The following LRRC7 variants were observed in gnomAD, a reference collection of about 807,000 sequenced individuals.
LRRC7 encodes the protein leucine-rich repeat-containing protein 7.
LRRC7 carries 23 observed loss-of-function variants against 175.7 expected under a neutral mutation model. The observed-to-expected ratio is 0.13, with a 90% confidence interval of 0.09 to 0.19. The LOEUF is 0.19. Among genes scored for constraint, LRRC7 ranks in the 10% least tolerant of loss-of-function variants. The pLI is 1.00. For synonymous variants in LRRC7, 685 were observed against 680.9 expected (o/e 1.01, Z -0.09); for missense variants, 1,354 against 1,904.7 (o/e 0.71, Z 5.38).
At chr1:69,895,265 C>A (rs1021550540) in intron 7 of LRRC7, among the ~76,000 whole-genome samples, 1 of 151,966 alleles carries the variant, frequency 6.6e-6, no homozygotes, top group Non-Finnish European at 1.5e-5. Context: ...GTGGATCTCA[C>A]GTTGAGTGTT....
intron 3 of LRRC7, among the ~76,000 whole-genome samples, chr1:69,788,111 G>T (rs1490931802): frequency 6.6e-6 from 1 of 151,820 alleles, no homozygotes; most frequent in African/African-American, 2.4e-5. Context: ...TCACTCACTG[G>T]GGGTGGTCTC....
At chr1:69,803,111 G>A (rs1427761235) in intron 4 of LRRC7, among the ~76,000 whole-genome samples, 2 of 151,152 alleles carry the variant, frequency 1.3e-5, no homozygotes, top group African/African-American at 4.8e-5. Context: ...CTGCTCCATT[G>A]CCTTATTTGC....
In LRRC7 at chr1:69,819,575, C is replaced by CTGTG. The variant is rs1343426681; in HGVS notation, c.422-6172_422-6171insGTGT. ...GAATGCTCTCTCTCTCTCTCTCTCT[C>CTGTG]TCTGTGTGTGTGTGTGTGTGTGTGT... On this transcript the variant is annotated intron_variant, in intron 4 of 26. Coordinates refer to ENST00000651989, the MANE Select transcript of LRRC7 (RefSeq NM_001370785.2). Among the ~76,000 whole-genome samples the CTGTG allele has an allele frequency of 5.3e-3, 703 of 133,226 alleles. 3 individuals are homozygous for CTGTG. The highest frequency in any genetic ancestry group is 0.018 in the Middle Eastern group (5 of 276). The allele number at this position is 133,226 out of a possible 152,430, so 87.4% of individuals were successfully genotyped here.
In LRRC7 at chr1:70,128,845, G is replaced by C. The variant is rs12062363; in HGVS notation, c.*6958G>C. On this transcript the variant is annotated 3_prime_UTR_variant, in exon 27 of 27. Transcript: ENST00000651989. Reference sequence around the variant, plus strand: ...AACCATCCTATTGCAAAAGGAAATCGAGTCTTTATCTAGTCAAATCTGTTT... The same window carrying C: ...AACCATCCTATTGCAAAAGGAAATCCAGTCTTTATCTAGTCAAATCTGTTT... 1 of 152,048 alleles carries C rather than the reference G, an allele frequency of 6.6e-6. No homozygotes were observed. The highest frequency in any genetic ancestry group is 1.5e-5 in the Non-Finnish European group (1 of 68,010). The allele number at this position is 152,048 out of a possible 1,614,324, so 9.4% of individuals were successfully genotyped here.
chr1:69,873,717 A>T (rs1236264962), intron 7 of LRRC7: 1 of 217,198 alleles, frequency 4.6e-6, no homozygotes, highest in Non-Finnish European at 9.8e-6. Flanking sequence ...GGTCTTTGTT[A>T]AAGTTTAACG....
chr1:70,017,890 A>C (rs1359682477), intron 14 of LRRC7, among the ~76,000 whole-genome samples: 1 of 152,100 alleles, frequency 6.6e-6, no homozygotes, highest in Admixed American at 6.6e-5. Context: ...GTATTGCATT[A>C]TGGGAAAAAA....
intron 2 of LRRC7, among the ~76,000 whole-genome samples, chr1:69,712,141 T>C (rs1386687705): frequency 1.3e-5 from 2 of 152,124 alleles, no homozygotes; most frequent in East Asian, 1.9e-4. Context: ...AGTTATCTCA[T>C]AAAGTCGTTT....
At chr1:70,105,668 A>G (rs748475014) in intron 25 of LRRC7, among the ~76,000 whole-genome samples, 2 of 152,156 alleles carry the variant, frequency 1.3e-5, no homozygotes, top group Non-Finnish European at 2.9e-5. Context: ...TCTTTAATCA[A>G]TGCCCTGTTA....
intron 2 of LRRC7, among the ~76,000 whole-genome samples, chr1:69,720,401 C>T (rs1240148074): frequency 6.6e-6 from 1 of 151,546 alleles, no homozygotes; most frequent in East Asian, 1.9e-4. Context: ...ATTTTAACTC[C>T]ATCTTGTGCC....
chr1:69,946,023 G>A (rs763024066), intron 8 of LRRC7, among the ~76,000 whole-genome samples: 2 of 152,022 alleles, frequency 1.3e-5, no homozygotes, highest in Non-Finnish European at 2.9e-5. Flanking sequence ...GAACAAAACT[G>A]GTAACAGTGT....
chr1:69,812,223 C>T (rs1677978422), intron 4 of LRRC7, among the ~76,000 whole-genome samples: 2 of 152,060 alleles, frequency 1.3e-5, no homozygotes, highest in Admixed American at 1.3e-4. Flanking sequence ...TGCTGCATCG[C>T]CAGTCTTGTG....
chr1:69,672,451 C>A (rs950842999), intron 1 of LRRC7, among the ~76,000 whole-genome samples: 1 of 152,130 alleles, frequency 6.6e-6, no homozygotes, highest in Admixed American at 6.6e-5. Context: ...GGATTTAAAT[C>A]TTGATTTTTG....
At chr1:70,075,823 A>G (rs990563215) in intron 23 of LRRC7, among the ~76,000 whole-genome samples, 1 of 152,196 alleles carries the variant, frequency 6.6e-6, no homozygotes, top group Non-Finnish European at 1.5e-5. Context: ...TTCTTCCTTT[A>G]AAGTGAGGTT....
chr1:70,105,375 A>C (rs952381557), intron 25 of LRRC7, among the ~76,000 whole-genome samples: 4 of 152,204 alleles, frequency 2.6e-5, no homozygotes, highest in Admixed American at 6.5e-5. Flanking sequence ...AGTAGTGCAT[A>C]ATCATTGTAG....
At chr1:69,919,459 GAGCGGCCC>G in intron 7 of LRRC7, 2 of 994,580 alleles carry the variant, frequency 2.0e-6, no homozygotes, top group Non-Finnish European at 3.1e-6. Flanking sequence ...CAGCCAGTGG[GAGCGGCCC>G]AGCGGGAACA....
chr1:70,003,614 A>G (rs1429304851), intron 11 of LRRC7, among the ~76,000 whole-genome samples: 5 of 152,226 alleles, frequency 3.3e-5, no homozygotes, highest in Admixed American at 6.5e-5. Context: ...TGATGATTGT[A>G]TAAGATTTCA....
At chr1:69,578,799 G>A in intron 1 of LRRC7, among the ~76,000 whole-genome samples, 1 of 105,038 alleles carries the variant, frequency 9.5e-6, no homozygotes. Context: ...TTGTGGGGTG[G>A]GGGGAGGGGG....
chr1:69,892,570 C>G (rs1453897979), intron 7 of LRRC7, among the ~76,000 whole-genome samples: 2 of 152,166 alleles, frequency 1.3e-5, no homozygotes, highest in African/African-American at 2.4e-5. Flanking sequence ...AAACTGTCAT[C>G]CCTCTAACAA....
At chr1:69,943,376 T>C (rs537810859) in intron 8 of LRRC7, among the ~76,000 whole-genome samples, 12 of 152,172 alleles carry the variant, frequency 7.9e-5, no homozygotes, top group Middle Eastern at 3.4e-3. Flanking sequence ...TGTTATATGA[T>C]TTTACTTATA....
Sources: allele counts gnomAD v4.1 joint callset (sites outside exome capture counted in the v4.1 genomes callset), GRCh38; gene constraint gnomAD v4.1.1; transcripts MANE v1.5; gene names NCBI Gene and HGNC (gene_info 2026-07-23, HGNC 2026-07-21).